The following ABCC4 variants were observed in gnomAD, a reference collection of about 807,000 sequenced individuals.
The protein encoded by ABCC4 is ATP binding cassette subfamily C member 4 (PEL blood group).
Under a neutral mutation model 168.5 loss-of-function variants are expected in ABCC4, and 102 were observed. That is an observed-to-expected ratio of 0.61 (90% confidence interval 0.52 to 0.71). The LOEUF is 0.71. Among genes scored for constraint, ABCC4 ranks in the 30% least tolerant of loss-of-function variants. ABCC4 has a pLI of 0.00. For synonymous variants in ABCC4, 617 were observed against 590.7 expected, an observed-to-expected ratio of 1.04 and a Z score of -0.65; for missense variants, 1,402 against 1,605.8, an observed-to-expected ratio of 0.87 and a Z score of 2.17.
chr13:95,095,558 G>A (rs561474013), intron 20 of ABCC4, among the ~76,000 whole-genome samples: 4 of 152,170 alleles, frequency 2.6e-5, no homozygotes, highest in South Asian at 2.1e-4. Context: ...GGAGGAGGGC[G>A]AGGGATAAAA....
At chr13:95,244,526 G>A (rs1389004772) in intron 3 of ABCC4, among the ~76,000 whole-genome samples, 1 of 149,024 alleles carries the variant, frequency 6.7e-6, no homozygotes, top group African/African-American at 2.5e-5. Context: ...AGCCAAGATA[G>A]CACCACTGCA....
At chr13:95,166,658 A>C (rs1300966061) in intron 14 of ABCC4, among the ~76,000 whole-genome samples, 3 of 152,212 alleles carry the variant, frequency 2.0e-5, no homozygotes, top group Non-Finnish European at 4.4e-5. Flanking sequence ...CTTATTACAG[A>C]ACATGAAAAC....
Position 95,253,414 on chromosome 13 carries a change from C to T in ABCC4, c.75-5661G>A, listed in dbSNP as rs990108230. Among the ~76,000 whole-genome samples the T allele has an allele frequency of 2.0e-5, 3 of 151,970 alleles. No homozygotes were observed. The South Asian group carries it at 6.2e-4, about 32-fold the overall frequency. On this transcript the variant is annotated intron_variant, in intron 1 of 30. Transcript: ENST00000645237. ...CAACATGCTGGGCACATAGAAGGCA[C>T]CTAGATTTGTCACATGAATGAGCAC...
intron 19 of ABCC4, among the ~76,000 whole-genome samples, chr13:95,147,518 TA>T: frequency 2.0e-5 from 3 of 152,312 alleles, no homozygotes; most frequent in Admixed American, 2.0e-4. Flanking sequence ...AGACTGTCTC[TA>T]AAAACATCCC....
intron 1 of ABCC4, among the ~76,000 whole-genome samples, chr13:95,258,551 A>G (rs947337242): frequency 6.6e-6 from 1 of 152,206 alleles, no homozygotes; most frequent in Non-Finnish European, 1.5e-5. Flanking sequence ...ATTTGTGTAG[A>G]TACAAAAAAA....
intron 30 of ABCC4, among the ~76,000 whole-genome samples, chr13:95,029,255 A>AG (rs2031750453): frequency 1.9e-4 from 1 of 5,332 alleles, no homozygotes; most frequent in African/African-American, 4.0e-4. Flanking sequence ...GAGAGAGAGA[A>AG]AGAGAGAGAG....
At chr13:95,082,076 C>T (rs1667643069) in intron 21 of ABCC4, among the ~76,000 whole-genome samples, 2 of 152,188 alleles carry the variant, frequency 1.3e-5, no homozygotes, top group South Asian at 4.1e-4. Flanking sequence ...CTGCTTTGTC[C>T]TAATAAACTT....
rs1321085948 is a variant in ABCC4, at chr13:95,020,070, G to A, written c.*1505C>T. On this transcript the variant is annotated 3_prime_UTR_variant, in exon 31 of 31. Coordinates refer to ENST00000645237, the MANE Select transcript of ABCC4 (RefSeq NM_005845.5). ...CTATTAATAAACATTTACTGTGTGT[G>A]GTTTGTTGGACTGAACATTAACCAT... 6.6e-6 allele frequency: 1 copy of A among 152,152 alleles called. No homozygotes were observed. Among genetic ancestry groups the A allele is most frequent in the East Asian group, 1.9e-4 (1 of 5,196 alleles). 9.4% of individuals were successfully genotyped at this position (152,152 alleles called of 1,614,324 possible).
intron 8 of ABCC4, among the ~76,000 whole-genome samples, chr13:95,204,717 G>A (rs1192658296): frequency 6.6e-6 from 1 of 152,174 alleles, no homozygotes; most frequent in East Asian, 1.9e-4. Context: ...ACATACCATG[G>A]TTAAGAAATC....
intron 19 of ABCC4, among the ~76,000 whole-genome samples, chr13:95,143,669 C>G (rs1418119609): frequency 6.6e-6 from 1 of 152,204 alleles, no homozygotes; most frequent in African/African-American, 2.4e-5. Context: ...TAGCACCATT[C>G]CACAGTATCT....
chr13:95,093,779 C>T (rs1406403140), intron 20 of ABCC4, among the ~76,000 whole-genome samples: 2 of 151,886 alleles, frequency 1.3e-5, no homozygotes, highest in African/African-American at 4.8e-5. Flanking sequence ...AGCCTAAAGA[C>T]TCCTCCAGAA....
intron 20 of ABCC4, among the ~76,000 whole-genome samples, chr13:95,107,120 A>G (rs1343777501): frequency 6.6e-6 from 1 of 152,052 alleles, no homozygotes; most frequent in Non-Finnish European, 1.5e-5. Flanking sequence ...AGCCAGGCAT[A>G]GTGGCAGTCA....
Position 95,186,835 on chromosome 13 carries a change from C to T in ABCC4, c.1411G>A (p.Val471Met), listed in dbSNP as rs368213763. ...ELAPSHGLVS[V>M]HGRIAYVSQQ... ...GACACATAGGCAATTCTTCCATGCA[C>T]GCTGACCAGCCCGTGACTTGGGGCC... The change falls in exon 11 of 31, where the codon GTG becomes ATG. Residue 471 changes from valine to methionine, a missense_variant. Physicochemically the swap from Val to Met is conservative, Grantham distance 21. Transcript: ENST00000645237. The T allele has an allele frequency of 1.6e-5, 26 of 1,613,946 alleles. No homozygotes were observed. In the East Asian group the frequency reaches 2.9e-4, roughly 18 times the overall value.
At chr13:95,105,363 G>C (rs943733982) in intron 20 of ABCC4, among the ~76,000 whole-genome samples, 6 of 152,074 alleles carry the variant, frequency 3.9e-5, no homozygotes, top group African/African-American at 1.4e-4. Flanking sequence ...ACTAGTACTG[G>C]TCTGTGGCCC....
chr13:95,177,912 TAC>T (rs1009653096), intron 12 of ABCC4, 83 bp downstream of exon 12: 2 of 1,507,806 alleles, frequency 1.3e-6, no homozygotes, highest in Non-Finnish European at 1.8e-6. Context: ...CAGGACGCAA[TAC>T]ACAGTAAGCA....
chr13:95,147,473 A>G (rs528682009), intron 19 of ABCC4, among the ~76,000 whole-genome samples: 1 of 152,334 alleles, frequency 6.6e-6, no homozygotes, highest in East Asian at 1.9e-4. Flanking sequence ...AAATGTAGAA[A>G]GATTGCCCAG....
rs528651012 is a variant in ABCC4 at position 95,041,563 on chromosome 13, C to A, written c.3735+2119G>T. 1.1e-3 allele frequency among the ~76,000 whole-genome samples: 172 copies of A among 152,302 alleles called. 1 individual carries two copies. The South Asian group carries it at 0.033, about 29-fold the overall frequency. The stretch of plus-strand genomic sequence containing the variant: ...TTCCCCAGCCACTCCCTGAGCCTGC[C>A]TTTTGGAGTGCTGAGCTTTGCAGCT... On this transcript the variant is annotated intron_variant, in intron 29 of 30. Coordinates refer to ENST00000645237, the MANE Select transcript of ABCC4 (RefSeq NM_005845.5).
chr13:95,192,240 G>T (rs17268122), intron 9 of ABCC4, among the ~76,000 whole-genome samples: 22,328 of 152,094 alleles, frequency 0.15, 2,186 homozygotes, highest in Non-Finnish European at 0.22. Flanking sequence ...GTCTTTCTCC[G>T]AAATCCCAGC....
intron 19 of ABCC4, among the ~76,000 whole-genome samples, chr13:95,150,703 A>G (rs748173492): frequency 3.9e-5 from 6 of 152,326 alleles, no homozygotes; most frequent in Middle Eastern, 6.8e-3. Context: ...TCTTTCTCCT[A>G]TCAATACTTC....
Sources: gnomAD v4.1 joint callset for allele counts (sites outside exome capture counted in the v4.1 genomes callset) on GRCh38, gnomAD v4.1.1 for gene constraint, MANE v1.5 for transcripts, NCBI Gene and HGNC (gene_info 2026-07-23, HGNC 2026-07-21) for gene names.